DAB1: variants seen among roughly 807,000 people sequenced by gnomAD.
The protein encoded by DAB1 is DAB adaptor protein 1.
Under a neutral mutation model 64.6 loss-of-function variants are expected in DAB1, and 15 were observed. The observed-to-expected ratio is 0.23, with a 90% CI of 0.16 to 0.36. The LOEUF is 0.36. Among genes scored for constraint, DAB1 ranks in the 10% least tolerant of loss-of-function variants. The pLI is 1.00. For synonymous variants in DAB1, 235 were observed against 251.9 expected, an observed-to-expected ratio of 0.93 and a Z score of 0.64; for missense variants, 596 against 706.7, an observed-to-expected ratio of 0.84 and a Z score of 1.78.
intron 6 of DAB1, among the ~76,000 whole-genome samples, chr1:57,683,128 C>T (rs577990686): frequency 2.6e-5 from 4 of 152,146 alleles, no homozygotes; most frequent in Non-Finnish European, 4.4e-5. Context: ...ATCTGTGGCC[C>T]GCATTTGAGC....
intron 9 of DAB1, among the ~76,000 whole-genome samples, chr1:57,051,826 G>T (rs1649218881): frequency 6.6e-6 from 1 of 152,160 alleles, no homozygotes; most frequent in African/African-American, 2.4e-5. Context: ...GCTGGGGAGT[G>T]CTGGGCCTCA....
At chr1:58,371,836 C>T (rs1364718789) in intron 3 of DAB1, among the ~76,000 whole-genome samples, 1 of 152,208 alleles carries the variant, frequency 6.6e-6, no homozygotes, top group Non-Finnish European at 1.5e-5. Flanking sequence ...CCAGCTTCCA[C>T]ATGTTGTTGG....
intron 3 of DAB1, among the ~76,000 whole-genome samples, chr1:58,397,938 C>T (rs1231255391): frequency 1.3e-5 from 2 of 152,200 alleles, no homozygotes; most frequent in Non-Finnish European, 2.9e-5. Context: ...AAGCCTATAG[C>T]AGACCCTCAA....
At chr1:57,914,530 C>A (rs1354922491) in intron 5 of DAB1, among the ~76,000 whole-genome samples, 1 of 151,940 alleles carries the variant, frequency 6.6e-6, no homozygotes, top group East Asian at 1.9e-4. Flanking sequence ...ATGTAACAAA[C>A]CTGCACGTTG....
intron 1 of DAB1, among the ~76,000 whole-genome samples, chr1:57,319,091 G>A (rs150849312): frequency 4.6e-5 from 7 of 152,290 alleles, no homozygotes; most frequent in Admixed American, 2.6e-4. Flanking sequence ...CTCAGGGGTC[G>A]TGGCAGATCT....
chr1:57,775,128 A>C (rs1649733915), intron 6 of DAB1, among the ~76,000 whole-genome samples: 1 of 151,464 alleles, frequency 6.6e-6, no homozygotes, highest in South Asian at 2.1e-4. Context: ...TTCCTTATTA[A>C]TATTGGAATT....
intron 4 of DAB1, among the ~76,000 whole-genome samples, chr1:58,155,140 C>T (rs918123531): frequency 6.6e-5 from 10 of 152,204 alleles, no homozygotes; most frequent in African/African-American, 2.4e-4. Context: ...TGTTACCTAA[C>T]TGAGGTGTGA....
At chr1:57,216,876 C>G (rs946695986) in intron 2 of DAB1, among the ~76,000 whole-genome samples, 2 of 152,222 alleles carry the variant, frequency 1.3e-5, no homozygotes, top group Non-Finnish European at 2.9e-5. Context: ...GATTTCTACT[C>G]AGGTTCTCCT....
chr1:57,834,720 C>CTA (rs1652735892), intron 1 of DAB1, among the ~76,000 whole-genome samples: 2 of 151,322 alleles, frequency 1.3e-5, no homozygotes, highest in African/African-American at 2.4e-5. Context: ...CTAGATATGA[C>CTA]TATATATATG....
At chr1:57,986,319 T>C (rs541707448) in intron 5 of DAB1, among the ~76,000 whole-genome samples, 1 of 152,234 alleles carries the variant, frequency 6.6e-6, no homozygotes, top group Non-Finnish European at 1.5e-5. Flanking sequence ...GTCTTCTTGA[T>C]TGGGATTAAT....
intron 6 of DAB1, among the ~76,000 whole-genome samples, chr1:57,785,177 G>T (rs1453390044): frequency 6.6e-6 from 1 of 152,000 alleles, no homozygotes; most frequent in Non-Finnish European, 1.5e-5. Context: ...GCCCACTGTT[G>T]GGACTTACTG....
intron 5 of DAB1, among the ~76,000 whole-genome samples, chr1:58,098,150 G>A (rs1178465244): frequency 2.6e-5 from 4 of 152,154 alleles, no homozygotes; most frequent in Non-Finnish European, 5.9e-5. Context: ...AAGCATTAAA[G>A]TGAAATAATT....
chr1:57,758,540 A>T (rs11207100), intron 6 of DAB1, among the ~76,000 whole-genome samples: 15,670 of 152,204 alleles, frequency 0.1, 875 homozygotes, highest in Middle Eastern at 0.15. Flanking sequence ...AGAATCACAG[A>T]TGAGGTGTTC....
chr1:57,613,290 G>T (rs1311903775), intron 7 of DAB1, among the ~76,000 whole-genome samples: 2 of 152,136 alleles, frequency 1.3e-5, no homozygotes, highest in African/African-American at 4.8e-5. Context: ...TTTCAGAATT[G>T]CTTCTCTAAT....
chr1:57,117,640 A>G (rs1042360397), intron 4 of DAB1, among the ~76,000 whole-genome samples: 2 of 152,216 alleles, frequency 1.3e-5, no homozygotes, highest in African/African-American at 4.8e-5. Flanking sequence ...TTACAAATGA[A>G]GAAACTGAGT....
chr1:57,220,701 GA>G (rs1666797720), intron 2 of DAB1, among the ~76,000 whole-genome samples: 1 of 152,176 alleles, frequency 6.6e-6, no homozygotes, highest in Admixed American at 6.5e-5. Context: ...ACCACAATGA[GA>G]TACCATCTCA....
chr1:58,079,363 C>A (rs1374471183), intron 5 of DAB1, among the ~76,000 whole-genome samples: 1 of 152,136 alleles, frequency 6.6e-6, no homozygotes. Context: ...CTTACCACTG[C>A]ATCATGTACT....
intron 9 of DAB1, among the ~76,000 whole-genome samples, chr1:57,041,597 G>T (rs565028647): frequency 1.3e-5 from 2 of 152,196 alleles, no homozygotes. Context: ...GTAACATTAG[G>T]GAAATATCCA....
intron 5 of DAB1, among the ~76,000 whole-genome samples, chr1:58,025,452 A>T (rs1487600036): frequency 1.3e-5 from 2 of 151,650 alleles, no homozygotes; most frequent in Admixed American, 1.3e-4. Context: ...GAAACCAAAG[A>T]TCTGTCTGAT....
Sources: allele counts gnomAD v4.1 joint callset (sites outside exome capture counted in the v4.1 genomes callset), GRCh38; gene constraint gnomAD v4.1.1; transcripts MANE v1.5; gene names NCBI Gene and HGNC (gene_info 2026-07-23, HGNC 2026-07-21).